CTXND1: variants seen among roughly 807,000 people sequenced by gnomAD.
The protein encoded by CTXND1 is cortexin domain-containing 1 protein.
intron 1 of CTXND1, among the ~76,000 whole-genome samples, chr15:80,211,318 C>T (rs536271225): frequency 5.9e-5 from 9 of 152,200 alleles, no homozygotes; most frequent in Admixed American, 2.0e-4. Flanking sequence ...AAGAAGAATC[C>T]GAGTTGACCA....
intron 1 of CTXND1, among the ~76,000 whole-genome samples, chr15:80,229,558 A>G (rs913268524): frequency 6.6e-6 from 1 of 152,224 alleles, no homozygotes. Context: ...CGCCCTGGCC[A>G]CCACAAGGGT....
chr15:80,217,560 ATTT>A (rs1428503405), intron 1 of CTXND1, among the ~76,000 whole-genome samples: 5 of 150,952 alleles, frequency 3.3e-5, no homozygotes, highest in South Asian at 2.1e-4. Flanking sequence ...TTATTTATTT[ATTT>A]AGAGACAGTG....
At chr15:80,213,952 T>C (rs759425274) in intron 1 of CTXND1, among the ~76,000 whole-genome samples, 1 of 83,774 alleles carries the variant, frequency 1.2e-5, no homozygotes, top group Non-Finnish European at 2.4e-5. Flanking sequence ...CGAATCAAAG[T>C]GAATAAATGA....
intron 1 of CTXND1, among the ~76,000 whole-genome samples, chr15:80,213,623 G>A (rs1379147334): frequency 1.3e-5 from 2 of 152,146 alleles, no homozygotes; most frequent in African/African-American, 4.8e-5. Context: ...AGTAGAAGGA[G>A]CAAGGATAAG....
chr15:80,217,719 G>C (rs1893269336), intron 1 of CTXND1, among the ~76,000 whole-genome samples: 1 of 151,646 alleles, frequency 6.6e-6, no homozygotes, highest in Admixed American at 6.6e-5. Context: ...GCTAATTCTT[G>C]TATTTTTTAT....
chr15:80,220,350 C>T (rs961261969), intron 1 of CTXND1, among the ~76,000 whole-genome samples: 2 of 152,154 alleles, frequency 1.3e-5, no homozygotes, highest in African/African-American at 4.8e-5. Flanking sequence ...TTTGTAATGC[C>T]ACTTCTAGTT....
chr15:80,247,579 C>T (rs2141467053), intron 1 of CTXND1, among the ~76,000 whole-genome samples: 1 of 152,158 alleles, frequency 6.6e-6, no homozygotes, highest in East Asian at 1.9e-4. Context: ...ATCCACCCTC[C>T]TCACACTAAC....
chr15:80,241,883 A>G (rs1351133100), intron 1 of CTXND1, among the ~76,000 whole-genome samples: 5 of 152,160 alleles, frequency 3.3e-5, no homozygotes, highest in Admixed American at 1.3e-4. Flanking sequence ...CCCATAGAAA[A>G]ACCCACATAT....
intron 1 of CTXND1, among the ~76,000 whole-genome samples, chr15:80,220,149 C>T (rs767642718): frequency 5.6e-4 from 27 of 48,402 alleles, no homozygotes. Context: ...TATCTATCAT[C>T]TATCTATCTA....
intron 2 of CTXND1, among the ~76,000 whole-genome samples, chr15:80,203,096 GGGAGCTCGA>G (rs1171857418): frequency 1.3e-5 from 2 of 152,172 alleles, no homozygotes; most frequent in Non-Finnish European, 2.9e-5. Context: ...TGAGTGAACT[GGGAGCTCGA>G]GGAGCTGGCT....
chr15:80,211,109 G>T (rs986406856), intron 1 of CTXND1, among the ~76,000 whole-genome samples: 4 of 152,180 alleles, frequency 2.6e-5, no homozygotes, highest in Non-Finnish European at 4.4e-5. Flanking sequence ...GTCTGCTGAG[G>T]GGCACTGCCT....
chr15:80,207,365 A>C (rs1225453418), intron 1 of CTXND1, among the ~76,000 whole-genome samples: 2 of 151,864 alleles, frequency 1.3e-5, no homozygotes, highest in Non-Finnish European at 2.9e-5. Context: ...CTTGTCTTTA[A>C]CTATGTCCCA....
At position 80,215,646 on chromosome 15, in the gene CTXND1, T is replaced by TTCC. The variant is rs1595905219; in HGVS notation, c.-217-11907_-217-11906insGGA. On this transcript the variant is annotated intron_variant, in intron 1 of 2. Coordinates refer to ENST00000560778, the MANE Select transcript of CTXND1 (RefSeq NM_001352888.2). Reference sequence around the variant, plus strand: ...AGCTTTTTAGATTTGTTGTCTCATATAGGGCACATTCCTGGGGCATTATCT... The same window carrying TTCC: ...AGCTTTTTAGATTTGTTGTCTCATATTCCAGGGCACATTCCTGGGGCATTATCT... Among the ~76,000 whole-genome samples, 7 of 152,254 alleles carry TTCC rather than the reference T, an allele frequency of 4.6e-5. No individual in the cohort carries two copies. In the East Asian group the frequency reaches 1.4e-3, roughly 29 times the overall value.
chr15:80,220,728 T>G (rs2142129859), intron 1 of CTXND1, among the ~76,000 whole-genome samples: 1 of 152,170 alleles, frequency 6.6e-6, no homozygotes, highest in African/African-American at 2.4e-5. Flanking sequence ...ATTTTCCCCA[T>G]GGGAAAACAC....
chr15:80,240,538 C>T (rs1044715914), intron 1 of CTXND1, among the ~76,000 whole-genome samples: 1 of 152,160 alleles, frequency 6.6e-6, no homozygotes, highest in East Asian at 1.9e-4. Flanking sequence ...AAATAAAAAG[C>T]TGTTAGCAAT....
chr15:80,207,476 C>T (rs1388094629), intron 1 of CTXND1, among the ~76,000 whole-genome samples: 1 of 152,204 alleles, frequency 6.6e-6, no homozygotes, highest in Non-Finnish European at 1.5e-5. Context: ...CCTCCAGTGC[C>T]ATTTTCCACC....
rs1043997348 is a variant in CTXND1, at chr15:80,198,432, A to G, written c.*3338T>C. 4 of 152,218 alleles carry G rather than the reference A, an allele frequency of 2.6e-5. No individual in the cohort carries two copies. Among genetic ancestry groups the G allele is most frequent in the African/African-American group, 4.8e-5 (2 of 41,438 alleles). The allele number at this position is 152,218 out of a possible 1,614,324, so 9.4% of individuals were successfully genotyped here. A position where few individuals can be genotyped will look rare whatever the true frequency, so the allele number is the denominator to read the frequency against. On this transcript the variant is annotated 3_prime_UTR_variant, in exon 3 of 3. Coordinates refer to ENST00000560778, the MANE Select transcript of CTXND1 (RefSeq NM_001352888.2). ...AATGCTTTTCATTTCTTGTCTGCCA[A>G]CTTCTAGCCTTCAATACTTCTGTGC...
rs1230679314 is a variant in CTXND1 at position 80,201,819 on chromosome 15, T to G, written c.131A>C (p.Tyr44Ser). The G allele has an allele frequency of 2.5e-6, 1 of 398,712 alleles. No individual in the cohort carries two copies. The highest frequency in any genetic ancestry group is 4.4e-6 in the Non-Finnish European group (1 of 226,214). 24.7% of individuals were successfully genotyped at this position (398,712 alleles called of 1,614,324 possible). A position where few individuals can be genotyped will look rare whatever the true frequency, so the allele number is the denominator to read the frequency against. The change falls in exon 3 of 3, where the codon TAC becomes TCC. Residue 44 changes from tyrosine (Y) to serine (S), a missense_variant. Coordinates refer to ENST00000560778, the MANE Select transcript of CTXND1 (RefSeq NM_001352888.2). ...IRCAKVIMDP[Y>S]SAIPTSTWEE... ...CCAGGTGGATGTGGGGATGGCGCTG[T>G]AAGGGTCCATGATGACCTTGGCACA...
chr15:80,236,091 C>T (rs1209027355), intron 1 of CTXND1, among the ~76,000 whole-genome samples: 1 of 149,586 alleles, frequency 6.7e-6, no homozygotes, highest in African/African-American at 2.5e-5. Flanking sequence ...TGGGGAACAC[C>T]CCAGTGATGC....
Sources: allele counts gnomAD v4.1 joint callset (sites outside exome capture counted in the v4.1 genomes callset), GRCh38; gene constraint gnomAD v4.1.1; transcripts MANE v1.5; gene names NCBI Gene and HGNC (gene_info 2026-07-23, HGNC 2026-07-21).